GPR158: variants seen among roughly 807,000 people sequenced by gnomAD.
The protein encoded by GPR158 is G protein-coupled receptor 158.
In GPR158, 30 loss-of-function variants were observed where a neutral mutation model predicts 78.2. That is an observed-to-expected ratio of 0.38 (90% CI 0.29 to 0.52). GPR158 has a LOEUF of 0.52. Ranked by LOEUF, GPR158 falls within the 20% of genes least tolerant of loss-of-function variation. The probability of loss-of-function intolerance (pLI) is 0.83; values close to 1 mark genes in which losing one functional copy is unlikely to be tolerated. For missense variants in GPR158, 1,463 were observed against 1,523.5 expected, an observed-to-expected ratio of 0.96 and a Z score of 0.66; for synonymous variants, 581 against 591.1, an observed-to-expected ratio of 0.98 and a Z score of 0.25.
At chr10:25,366,801 T>C (rs999089589) in intron 2 of GPR158, among the ~76,000 whole-genome samples, 1 of 150,618 alleles carries the variant, frequency 6.6e-6, no homozygotes, top group Non-Finnish European at 1.5e-5. Context: ...TTAGATTGTG[T>C]ATTGATTAAA....
At chr10:25,479,023 C>CA (rs34284917) in intron 5 of GPR158, among the ~76,000 whole-genome samples, 107,653 of 151,792 alleles carry the variant, frequency 0.71, 38,870 homozygotes, top group East Asian at 0.99. Context: ...ATATGTGCCA[C>CA]TTTTCTTAAT....
intron 2 of GPR158, among the ~76,000 whole-genome samples, chr10:25,357,895 A>G (rs558229219): frequency 6.6e-6 from 1 of 152,196 alleles, no homozygotes; most frequent in African/African-American, 2.4e-5. Flanking sequence ...GTGCCTGGAA[A>G]AGCTGCAGAC....
intron 2 of GPR158, among the ~76,000 whole-genome samples, chr10:25,351,191 A>G (rs1184369620): frequency 6.6e-6 from 1 of 151,962 alleles, no homozygotes; most frequent in Non-Finnish European, 1.5e-5. Context: ...ATACCTGAGA[A>G]GGTGGGGGAT....
intron 2 of GPR158, among the ~76,000 whole-genome samples, chr10:25,225,623 T>C (rs550299028): frequency 1.3e-5 from 2 of 152,282 alleles, no homozygotes; most frequent in Admixed American, 6.5e-5. Flanking sequence ...TCTAGTATTT[T>C]CTTTTTGCAT....
At chr10:25,224,988 C>A (rs1853354000) in intron 2 of GPR158, among the ~76,000 whole-genome samples, 1 of 152,080 alleles carries the variant, frequency 6.6e-6, no homozygotes, top group Non-Finnish European at 1.5e-5. Flanking sequence ...GCAACAAAAA[C>A]CACTTAACAC....
intron 3 of GPR158, among the ~76,000 whole-genome samples, chr10:25,402,995 G>A (rs1834466935): frequency 6.6e-6 from 1 of 151,524 alleles, no homozygotes. Flanking sequence ...ACCATTCAAA[G>A]TCTATTTTTC....
At chr10:25,191,662 T>A (rs2130642879) in intron 1 of GPR158, among the ~76,000 whole-genome samples, 1 of 151,758 alleles carries the variant, frequency 6.6e-6, no homozygotes, top group East Asian at 1.9e-4. Flanking sequence ...CTGATATAAA[T>A]AACTGCAGCT....
At chr10:25,551,199 G>A in intron 6 of GPR158, 114 bp downstream of exon 6, 1 of 682,758 alleles carries the variant, frequency 1.5e-6, no homozygotes, top group Admixed American at 2.3e-5. Context: ...AATTTACATA[G>A]CAAGATACTA....
intron 2 of GPR158, among the ~76,000 whole-genome samples, chr10:25,249,695 G>A (rs1853762121): frequency 6.6e-6 from 1 of 151,740 alleles, no homozygotes; most frequent in East Asian, 1.9e-4. Flanking sequence ...TTTTTGATGT[G>A]CTGCTGGATT....
intron 2 of GPR158, among the ~76,000 whole-genome samples, chr10:25,307,377 CTTTTTTTTTTT>C (rs561085223): frequency 8.7e-6 from 1 of 114,390 alleles, no homozygotes; most frequent in Non-Finnish European, 1.7e-5. Context: ...ATTTTAATTG[CTTTTTTTTTTT>C]TTTTTTTTTT....
In GPR158 at chr10:25,405,793, A is replaced by G. The variant is rs141452387; in HGVS notation, c.1112-6457A>G. 2.2e-3 allele frequency among the ~76,000 whole-genome samples: 329 copies of G among 152,212 alleles called. 2 individuals are homozygous for G. The highest frequency in any genetic ancestry group is 0.018 in the South Asian group (89 of 4,824). On this transcript the variant is annotated intron_variant, in intron 3 of 10. Transcript: ENST00000376351. The stretch of plus-strand genomic sequence containing the variant: ...GATGTAGTATTATAAAGGAGCAAAA[A>G]TGACCACAGGCAAGAATAAACTACT...
chr10:25,377,612 A>T (rs558868628), intron 2 of GPR158, among the ~76,000 whole-genome samples: 1 of 152,056 alleles, frequency 6.6e-6, no homozygotes, highest in African/African-American at 2.4e-5. Flanking sequence ...GACATTTTAT[A>T]TAAGTGAAAT....
At chr10:25,569,351 G>A (rs1414044) in intron 6 of GPR158, among the ~76,000 whole-genome samples, 42,852 of 152,094 alleles carry the variant, frequency 0.28, 10,804 homozygotes, top group African/African-American at 0.65. Context: ...AACTTAACTG[G>A]TTAAGAAGTA....
At chr10:25,283,971 A>G (rs1210601446) in intron 2 of GPR158, among the ~76,000 whole-genome samples, 4 of 152,082 alleles carry the variant, frequency 2.6e-5, no homozygotes, top group Non-Finnish European at 4.4e-5. Context: ...TGTGTGGTCA[A>G]AAAACATACT....
chr10:25,284,140 G>C (rs1210780052), intron 2 of GPR158, among the ~76,000 whole-genome samples: 3 of 152,058 alleles, frequency 2.0e-5, no homozygotes, highest in Non-Finnish European at 4.4e-5. Flanking sequence ...TTGGTTGATA[G>C]TGTTGTTCAG....
intron 5 of GPR158, among the ~76,000 whole-genome samples, chr10:25,543,503 G>A (rs77483473): frequency 0.13 from 19,559 of 152,120 alleles, 2,395 homozygotes; most frequent in African/African-American, 0.31. Context: ...AATTTAAGGG[G>A]TACAAGTGCA....
intron 2 of GPR158, among the ~76,000 whole-genome samples, chr10:25,294,197 T>G (rs1474240356): frequency 6.6e-6 from 1 of 152,210 alleles, no homozygotes; most frequent in Non-Finnish European, 1.5e-5. Context: ...TTATCTGAAC[T>G]AAGAGAGGGA....
chr10:25,186,485 TAAA>T (rs1028724695), intron 1 of GPR158, among the ~76,000 whole-genome samples: 2 of 151,424 alleles, frequency 1.3e-5, no homozygotes, highest in African/African-American at 2.4e-5. Context: ...GCAAGACTAA[TAAA>T]GAAGAAAAGA....
At chr10:25,441,028 TAGC>T (rs1350343864) in intron 4 of GPR158, among the ~76,000 whole-genome samples, 3 of 152,162 alleles carry the variant, frequency 2.0e-5, no homozygotes. Flanking sequence ...TGCATAATAA[TAGC>T]AGAGAAGTTT....
Sources: allele counts gnomAD v4.1 joint callset (sites outside exome capture counted in the v4.1 genomes callset), GRCh38; gene constraint gnomAD v4.1.1; transcripts MANE v1.5; gene names NCBI Gene and HGNC (gene_info 2026-07-23, HGNC 2026-07-21).